The following NDUFA10 variants were observed in gnomAD, a reference collection of about 807,000 sequenced individuals.
NDUFA10 encodes NADH dehydrogenase [ubiquinone] 1 alpha subcomplex subunit 10, mitochondrial.
NDUFA10 carries 40 observed loss-of-function variants against 47.8 expected under a neutral mutation model. The ratio of observed to expected loss-of-function variants is 0.84; its 90% CI spans 0.65 to 1.09. The LOEUF is 1.09. Among genes scored for constraint, NDUFA10 ranks in the 50% least tolerant of loss-of-function variants. The pLI is 0.00. For synonymous variants in NDUFA10, 183 were observed against 172.2 expected, an observed-to-expected ratio of 1.06 and a Z score of -0.49; for missense variants, 413 against 451.1, an observed-to-expected ratio of 0.92 and a Z score of 0.76.
At chr2:239,978,784 T>TG (rs1313694173) in intron 9 of NDUFA10, among the ~76,000 whole-genome samples, 1 of 152,234 alleles carries the variant, frequency 6.6e-6, no homozygotes, top group Non-Finnish European at 1.5e-5. Context: ...AACCATTTGA[T>TG]GAAGGTGAGT....
At chr2:240,014,672 C>T in intron 5 of NDUFA10, 67 bp downstream of exon 5, 2 of 1,607,508 alleles carry the variant, frequency 1.2e-6, no homozygotes, top group Non-Finnish European at 1.7e-6. Flanking sequence ...GCTATTAAAA[C>T]AGGGCTTTTA....
intron 4 of NDUFA10, among the ~76,000 whole-genome samples, chr2:239,912,965 C>T (rs139851975): frequency 2.0e-4 from 30 of 152,356 alleles, no homozygotes; most frequent in African/African-American, 6.7e-4. Flanking sequence ...AGTCAACATG[C>T]GTATTCTCCT....
At chr2:239,977,952 C>A (rs577979460) in intron 9 of NDUFA10, among the ~76,000 whole-genome samples, 14 of 152,158 alleles carry the variant, frequency 9.2e-5, no homozygotes, top group Admixed American at 4.6e-4. Context: ...GAGCCCTCAC[C>A]CACCCCTCCA....
chr2:240,023,816 T>C (rs1697741254), intron 1 of NDUFA10, among the ~76,000 whole-genome samples: 1 of 152,160 alleles, frequency 6.6e-6, no homozygotes, highest in Non-Finnish European at 1.5e-5. Flanking sequence ...GACAACCCAA[T>C]TTAAAAATGG....
intron 4 of NDUFA10, among the ~76,000 whole-genome samples, chr2:239,911,300 C>T (rs1693749860): frequency 6.6e-6 from 1 of 152,142 alleles, no homozygotes. Flanking sequence ...ATTTGCGTCC[C>T]CCAGGGCGGC....
At chr2:239,936,234 G>A (rs951217278) in intron 4 of NDUFA10, among the ~76,000 whole-genome samples, 1 of 152,202 alleles carries the variant, frequency 6.6e-6, no homozygotes, top group Non-Finnish European at 1.5e-5. Context: ...CAGCTTCCGG[G>A]CCCCAGGATC....
intron 4 of NDUFA10, among the ~76,000 whole-genome samples, chr2:240,015,497 C>G: frequency 6.6e-6 from 1 of 152,212 alleles, no homozygotes; most frequent in Admixed American, 6.5e-5. Flanking sequence ...GCATTTATCC[C>G]GTTTCAGTAG....
At chr2:240,012,876 G>T (rs1697195444) in intron 5 of NDUFA10, 1 of 152,202 alleles carries the variant, frequency 6.6e-6, no homozygotes, top group South Asian at 2.1e-4. Context: ...GTTCATCTTT[G>T]CAGCCTCCTA....
At chr2:239,916,207 TACAC>T (rs1297907746) in intron 4 of NDUFA10, among the ~76,000 whole-genome samples, 15 of 129,294 alleles carry the variant, frequency 1.2e-4, no homozygotes, top group East Asian at 2.4e-4. Context: ...CACACATACA[TACAC>T]ACACAAATAT....
rs982130328 is a variant in NDUFA10 at position 239,898,255 on chromosome 2, C to T, written c.295-2941G>A. On this transcript the variant is annotated intron_variant, in intron 4 of 5. Transcript: ENST00000419408. Reference sequence around the variant, plus strand: ...CCAAGGAGGTTATAAAATGAGAGAACGTGTTCCTCTGAAGTCTACAGTGGC... The same window carrying T: ...CCAAGGAGGTTATAAAATGAGAGAATGTGTTCCTCTGAAGTCTACAGTGGC... Among the ~76,000 whole-genome samples the T allele has an allele frequency of 3.3e-5, 5 of 152,180 alleles. No individual in the cohort carries two copies. In the East Asian group the frequency reaches 5.8e-4, roughly 18 times the overall value.
At chr2:239,934,949 G>A (rs898827298) in intron 4 of NDUFA10, among the ~76,000 whole-genome samples, 7 of 152,154 alleles carry the variant, frequency 4.6e-5, no homozygotes, top group African/African-American at 9.7e-5. Context: ...CAGCTGCCGC[G>A]TGCCCACCAG....
At chr2:239,910,045 T>C (rs1693722157) in intron 4 of NDUFA10, among the ~76,000 whole-genome samples, 1 of 151,432 alleles carries the variant, frequency 6.6e-6, no homozygotes, top group Non-Finnish European at 1.5e-5. Flanking sequence ...AGAATGACTA[T>C]TAGTAAAAAG....
rs144541559 is a variant in NDUFA10, at chr2:239,964,022, C to T, written c.1000-2836G>A. Among the ~76,000 whole-genome samples the T allele has an allele frequency of 5.1e-3, 770 of 152,312 alleles. 1 individual carries two copies. The highest frequency in any genetic ancestry group is 7.9e-3 in the Non-Finnish European group (536 of 68,024). On this transcript the variant is annotated intron_variant, in intron 9 of 9. Transcript: ENST00000252711. ...AGCAGCTGAGGAAGGGGACACAACACCTGGGCCACCTTTCACACGCCAGGT... is the reference window on the plus strand; with the variant it reads ...AGCAGCTGAGGAAGGGGACACAACATCTGGGCCACCTTTCACACGCCAGGT...
At chr2:239,957,333 A>G (rs1031593548), downstream of NDUFA10, 10 of 152,186 alleles carry the variant, frequency 6.6e-5, no homozygotes, top group Non-Finnish European at 8.8e-5. Flanking sequence ...CTTTTTACAA[A>G]TTAAAAGCTG....
Position 239,945,001 on chromosome 2 carries a change from G to A in NDUFA10, c.294+45073C>T, listed in dbSNP as rs1168549834. 7.9e-6 allele frequency among the ~76,000 whole-genome samples: 1 copy of A among 126,324 alleles called. No homozygotes were observed. The highest frequency in any genetic ancestry group is 1.8e-5 in the Non-Finnish European group (1 of 56,368). The allele number at this position is 126,324 out of a possible 152,430, so 82.9% of individuals were successfully genotyped here. The stretch of plus-strand genomic sequence containing the variant: ...CAGCCATGGGGGTGACTTCCCAGGG[G>A]GCCTGTGGAGGCTGCTTCTTTATTG... On this transcript the variant is annotated intron_variant, in intron 4 of 5. Transcript: ENST00000419408. The surrounding 1 kb of genome is among the most constrained non-coding windows in gnomAD (Gnocchi z 4.6).
At chr2:239,893,775 G>C (rs1404099396) in intron 5 of NDUFA10, among the ~76,000 whole-genome samples, 1 of 152,214 alleles carries the variant, frequency 6.6e-6, no homozygotes, top group African/African-American at 2.4e-5. Context: ...CGCAGTGGGA[G>C]TGGGAAGCAC....
chr2:240,025,164 T>TGCCCCC, intron 1 of NDUFA10, 63 bp downstream of exon 1: 29 of 594,906 alleles, frequency 4.9e-5, no homozygotes, highest in Middle Eastern at 4.5e-4. Context: ...GTGGAACTGC[T>TGCCCCC]CCCCACCCCG....
At position 240,007,486 on chromosome 2, in the gene NDUFA10, G is replaced by T. The variant is rs185567223; in HGVS notation, c.750-116C>A. The T allele has an allele frequency of 2.2e-5, 17 of 761,514 alleles. No individual in the cohort carries two copies. In the African/African-American group the frequency reaches 2.6e-4, roughly 12 times the overall value. 47.2% of individuals were successfully genotyped at this position (761,514 alleles called of 1,614,324 possible). ...TCAAATTTAAAACCTCACATTCTCT[G>T]CACTGGGCATTGTGCTGGGCATGTG... On this transcript the variant is annotated intron_variant, in intron 6 of 9. Transcript: ENST00000252711.
intron 1 of NDUFA10, among the ~76,000 whole-genome samples, chr2:240,024,954 C>G (rs1574907041): frequency 7.4e-6 from 1 of 134,400 alleles, no homozygotes; most frequent in East Asian, 2.2e-4. Flanking sequence ...ACGGGCCTCC[C>G]GCATCAGGGC....
Sources: allele counts gnomAD v4.1 joint callset (sites outside exome capture counted in the v4.1 genomes callset), GRCh38; gene constraint gnomAD v4.1.1; non-coding constraint Gnocchi (gnomAD v3.1); transcripts MANE v1.5; gene names NCBI Gene and HGNC (gene_info 2026-07-23, HGNC 2026-07-21).